Variants in DDX10 observed in about 807,000 individuals in gnomAD.
DDX10 encodes probable ATP-dependent RNA helicase DDX10.
DDX10 carries 74 observed loss-of-function variants against 104.3 expected under a neutral mutation model. That is an observed-to-expected ratio of 0.71 (90% CI 0.59 to 0.86). DDX10 has a LOEUF of 0.86. DDX10 is among the 40% of genes least tolerant of loss of function. DDX10 has a pLI of 0.00. For missense variants in DDX10, 952 were observed against 1,040.0 expected, an observed-to-expected ratio of 0.92 and a Z score of 1.16; for synonymous variants, 351 against 353.4, an observed-to-expected ratio of 0.99 and a Z score of 0.08.
intron 16 of DDX10, among the ~76,000 whole-genome samples, chr11:108,904,726 T>G (rs569962114): frequency 2.1e-5 from 3 of 144,634 alleles, no homozygotes; most frequent in East Asian, 2.0e-4. Context: ...TCCGTCAGGG[T>G]TTTTTTTTTT....
chr11:108,842,717 G>T (rs1862657958), intron 15 of DDX10, among the ~76,000 whole-genome samples: 1 of 152,176 alleles, frequency 6.6e-6, no homozygotes, highest in South Asian at 2.1e-4. Context: ...TGCTCTTAGT[G>T]CAGCAATTAA....
intron 6 of DDX10, among the ~76,000 whole-genome samples, chr11:108,685,586 T>A (rs2094242785): frequency 6.6e-6 from 1 of 152,222 alleles, no homozygotes; most frequent in Non-Finnish European, 1.5e-5. Flanking sequence ...ATAAAATCCT[T>A]CTAGCAGGAT....
intron 16 of DDX10, among the ~76,000 whole-genome samples, chr11:108,917,377 C>T (rs979013316): frequency 6.6e-6 from 1 of 151,940 alleles, no homozygotes; most frequent in African/African-American, 2.4e-5. Context: ...ATCACTAAAA[C>T]AATTTTGTAT....
intron 1 of DDX10, among the ~76,000 whole-genome samples, chr11:108,671,047 C>T (rs1252219296): frequency 6.6e-6 from 1 of 152,172 alleles, no homozygotes; most frequent in Non-Finnish European, 1.5e-5. Flanking sequence ...TAAGGACCAT[C>T]CCTGAAATAT....
chr11:108,875,324 T>A (rs2134627216), intron 16 of DDX10, among the ~76,000 whole-genome samples: 1 of 152,312 alleles, frequency 6.6e-6, no homozygotes, highest in East Asian at 1.9e-4. Flanking sequence ...GAGAACTTAA[T>A]GAGTCATGAT....
At chr11:108,702,182 GT>G (rs1251699354) in intron 9 of DDX10, among the ~76,000 whole-genome samples, 1 of 152,018 alleles carries the variant, frequency 6.6e-6, no homozygotes, top group Non-Finnish European at 1.5e-5. Context: ...TAAAAACATA[GT>G]TTTTTTAAAA....
In DDX10 at chr11:108,938,036, C is replaced by T. The variant is rs117991756; in HGVS notation, c.2451-2210C>T. The stretch of plus-strand genomic sequence containing the variant: ...TTGAAGGAACCCCCTCATTGTCAGT[C>T]ATCTCAGGGACCTCCTTACCTCCCT... On this transcript the variant is annotated intron_variant, in intron 17 of 17. Coordinates refer to ENST00000322536, the MANE Select transcript of DDX10 (RefSeq NM_004398.4). Among the ~76,000 whole-genome samples, 766 of 152,308 alleles carry T rather than the reference C, an allele frequency of 5.0e-3. 3 individuals are homozygous for T. Among genetic ancestry groups the T allele is most frequent in the Non-Finnish European group, 8.3e-3 (562 of 68,018 alleles).
At position 108,665,672 on chromosome 11, in the gene DDX10, C is replaced by T. The variant is rs567189867; in HGVS notation, c.186+333C>T. ...TTTTTAAGCACTCACCATGTGCTTACAGTAATTGTTTGACTTGATCTGAGG... is the reference window on the plus strand; with the variant it reads ...TTTTTAAGCACTCACCATGTGCTTATAGTAATTGTTTGACTTGATCTGAGG... On this transcript the variant is annotated intron_variant, in intron 1 of 17. Transcript: ENST00000322536. Among the ~76,000 whole-genome samples, 10 of 152,224 alleles carry T rather than the reference C, an allele frequency of 6.6e-5. No individual in the cohort carries two copies. In the South Asian group the frequency reaches 2.1e-3, roughly 32 times the overall value.
chr11:108,831,421 C>CAAAAAAA (rs779264219), intron 13 of DDX10, among the ~76,000 whole-genome samples: 34 of 69,760 alleles, frequency 4.9e-4, no homozygotes, highest in Admixed American at 1.8e-3. Context: ...GAGACTGTCT[C>CAAAAAAA]AAAAAAAAAA....
intron 6 of DDX10, among the ~76,000 whole-genome samples, chr11:108,686,411 C>T (rs59061105): frequency 6.6e-6 from 1 of 152,286 alleles, no homozygotes; most frequent in East Asian, 1.9e-4. Flanking sequence ...TATTCATCTC[C>T]CCTGGCAGCC....
At chr11:108,807,919 G>A (rs778885626) in intron 13 of DDX10, among the ~76,000 whole-genome samples, 5 of 152,186 alleles carry the variant, frequency 3.3e-5, no homozygotes, top group Non-Finnish European at 5.9e-5. Flanking sequence ...CTGGCAAGGT[G>A]GAAGGTAAAT....
chr11:108,806,683 C>T (rs1862105275), intron 13 of DDX10, among the ~76,000 whole-genome samples: 1 of 152,156 alleles, frequency 6.6e-6, no homozygotes, highest in Admixed American at 6.5e-5. Flanking sequence ...GCAAGGGCCT[C>T]TCTCAGAGGG....
At chr11:108,668,872 G>A (rs576215766) in intron 1 of DDX10, among the ~76,000 whole-genome samples, 1 of 152,156 alleles carries the variant, frequency 6.6e-6, no homozygotes, top group East Asian at 1.9e-4. Context: ...GTGTAATTAG[G>A]GGAAGTTGAG....
At chr11:108,861,561 A>G (rs1862941733) in intron 16 of DDX10, among the ~76,000 whole-genome samples, 2 of 152,128 alleles carry the variant, frequency 1.3e-5, no homozygotes, top group South Asian at 2.1e-4. Context: ...ATACTATGAT[A>G]CTCTATTTAC....
intron 13 of DDX10, among the ~76,000 whole-genome samples, chr11:108,754,334 A>G (rs952524286): frequency 1.3e-5 from 2 of 152,036 alleles, no homozygotes; most frequent in African/African-American, 4.8e-5. Context: ...TTTATTCATT[A>G]ATATGTTTGA....
chr11:108,909,432 C>T (rs1398977272), intron 16 of DDX10, among the ~76,000 whole-genome samples: 1 of 131,160 alleles, frequency 7.6e-6, no homozygotes, highest in East Asian at 2.4e-4. Context: ...ACTCCCGCCC[C>T]TTCCCTTGTC....
intron 16 of DDX10, among the ~76,000 whole-genome samples, chr11:108,865,196 T>G (rs2726910): frequency 0.76 from 115,452 of 151,876 alleles, 44,125 homozygotes; most frequent in Admixed American, 0.8. Context: ...GGTGGAACCA[T>G]TGCTGACTTA....
At chr11:108,800,915 A>G (rs1419940993) in intron 13 of DDX10, among the ~76,000 whole-genome samples, 1 of 152,158 alleles carries the variant, frequency 6.6e-6, no homozygotes, top group Non-Finnish European at 1.5e-5. Flanking sequence ...TCTTTCCAGT[A>G]TGTAGAGATG....
chr11:108,672,255 G>A (rs750651800), intron 1 of DDX10, among the ~76,000 whole-genome samples: 12 of 152,038 alleles, frequency 7.9e-5, no homozygotes, highest in Non-Finnish European at 1.8e-4. Flanking sequence ...CTCTTGCTGG[G>A]GATTGAAGAG....
Sources: allele counts gnomAD v4.1 joint callset (sites outside exome capture counted in the v4.1 genomes callset), GRCh38; gene constraint gnomAD v4.1.1; transcripts MANE v1.5; gene names NCBI Gene and HGNC (gene_info 2026-07-23, HGNC 2026-07-21).